The following CFAP54 variants were observed in gnomAD, a reference collection of about 807,000 sequenced individuals.
The protein encoded by CFAP54 is cilia- and flagella-associated protein 54.
Under a neutral mutation model 370.4 loss-of-function variants are expected in CFAP54, and 290 were observed. The observed-to-expected ratio is 0.78, with a 90% confidence interval of 0.71 to 0.86. The LOEUF (loss-of-function observed/expected upper bound fraction) is 0.86, where lower values mean the gene tolerates loss of function less well. CFAP54 is among the 40% of genes least tolerant of loss of function. CFAP54 has a pLI of 0.00. For synonymous variants in CFAP54, 1,206 were observed against 1,236.5 expected (o/e 0.98, Z 0.52); for missense variants, 3,399 against 3,528.7 (o/e 0.96, Z 0.93).
intron 49 of CFAP54, 140 bp from the exon 50 acceptor site, chr12:96,720,262 TCTC>T: frequency 1.5e-6 from 1 of 678,872 alleles, no homozygotes; most frequent in Non-Finnish European, 2.1e-6. Flanking sequence ...TGAACTCTCT[TCTC>T]TGGTAATTAG....
At chr12:96,737,955 G>T (rs1565959973) in intron 50 of CFAP54, among the ~76,000 whole-genome samples, 1 of 152,116 alleles carries the variant, frequency 6.6e-6, no homozygotes, top group Non-Finnish European at 1.5e-5. Context: ...GGCAGGCTGG[G>T]GATGGGGGAG....
At chr12:96,717,566 G>T (rs1388137330) in intron 48 of CFAP54, among the ~76,000 whole-genome samples, 1 of 152,230 alleles carries the variant, frequency 6.6e-6, no homozygotes, top group East Asian at 1.9e-4. Context: ...AAGCCCAGTT[G>T]AATGAAGCAG....
chr12:96,498,757 A>T (rs947070430), intron 1 of CFAP54, among the ~76,000 whole-genome samples: 1 of 152,248 alleles, frequency 6.6e-6, no homozygotes, highest in African/African-American at 2.4e-5. Context: ...GGCATGATCC[A>T]TGAAAGAAAG....
At chr12:96,689,091 A>T in intron 43 of CFAP54, 109 bp downstream of exon 43, 1 of 598,156 alleles carries the variant, frequency 1.7e-6, no homozygotes, top group Non-Finnish European at 2.9e-6. Flanking sequence ...AATAACATGA[A>T]TCTTGATTAA....
At chr12:96,578,677 A>G (rs1358729020) in intron 20 of CFAP54, among the ~76,000 whole-genome samples, 1 of 152,082 alleles carries the variant, frequency 6.6e-6, no homozygotes, top group Non-Finnish European at 1.5e-5. Context: ...GTTCATTTAG[A>G]GAGTTCCAGG....
chr12:96,706,434 G>A (rs1957548271), intron 47 of CFAP54, among the ~76,000 whole-genome samples: 1 of 152,152 alleles, frequency 6.6e-6, no homozygotes, highest in Non-Finnish European at 1.5e-5. Context: ...TAAAAAGAGG[G>A]AAAGGTAAGT....
At chr12:96,680,823 C>T (rs1354223410) in intron 40 of CFAP54, among the ~76,000 whole-genome samples, 1 of 152,120 alleles carries the variant, frequency 6.6e-6, no homozygotes, top group African/African-American at 2.4e-5. Flanking sequence ...GTGGCTCACG[C>T]CTGTAATCCC....
chr12:96,682,319 C>G, intron 40 of CFAP54: 13 of 985,548 alleles, frequency 1.3e-5, no homozygotes, highest in Non-Finnish European at 1.6e-5. Flanking sequence ...GTAATTTCTT[C>G]TTATCACCAA....
chr12:96,797,903 GT>G (rs1300211111), intron 63 of CFAP54, among the ~76,000 whole-genome samples: 1 of 151,542 alleles, frequency 6.6e-6, no homozygotes, highest in African/African-American at 2.4e-5. Context: ...GGATTTTGTT[GT>G]TTTTCCTCTC....
chr12:96,590,448 C>A (rs1479528616), intron 23 of CFAP54, among the ~76,000 whole-genome samples: 5 of 152,188 alleles, frequency 3.3e-5, no homozygotes, highest in Non-Finnish European at 5.9e-5. Flanking sequence ...ATCTCCCTCA[C>A]CTGGTTGTTA....
intron 32 of CFAP54, among the ~76,000 whole-genome samples, chr12:96,638,425 A>G (rs1313922475): frequency 6.6e-6 from 1 of 150,586 alleles, no homozygotes; most frequent in East Asian, 1.9e-4. Context: ...TTAATTGTAG[A>G]GATGGCCTCG....
At chr12:96,648,216 T>C (rs1273340060) in intron 34 of CFAP54, among the ~76,000 whole-genome samples, 199 bp downstream of exon 34, 2 of 152,224 alleles carry the variant, frequency 1.3e-5, no homozygotes, top group East Asian at 3.8e-4. Context: ...CTTATGATAT[T>C]ATTGCATATA....
At chr12:96,736,863 G>C (rs1044512105) in intron 50 of CFAP54, among the ~76,000 whole-genome samples, 2 of 152,126 alleles carry the variant, frequency 1.3e-5, no homozygotes, top group African/African-American at 4.8e-5. Context: ...ACCAAACTTG[G>C]TAGAAACTGT....
chr12:96,619,837 T>A (rs1437337907), intron 26 of CFAP54, among the ~76,000 whole-genome samples: 1 of 152,198 alleles, frequency 6.6e-6, no homozygotes, highest in African/African-American at 2.4e-5. Context: ...TCTGCTCATA[T>A]ACATTTCATA....
intron 48 of CFAP54, among the ~76,000 whole-genome samples, chr12:96,717,805 G>C (rs1256979302): frequency 6.6e-6 from 1 of 152,176 alleles, no homozygotes; most frequent in Non-Finnish European, 1.5e-5. Context: ...GGGCTTTCAG[G>C]AGTCCTGGGA....
At position 96,800,156 on chromosome 12, in the gene CFAP54, C is replaced by T. The variant is rs576684464; in HGVS notation, c.8850+7657C>T. ...AACACCATATCCATATCAGTTATTA[C>T]AAGGGCAGTTTGCGGCAGGATAATT... On this transcript the variant is annotated intron_variant, in intron 63 of 67. Coordinates refer to ENST00000524981, the MANE Select transcript of CFAP54 (RefSeq NM_001306084.2). 2.0e-5 allele frequency among the ~76,000 whole-genome samples: 3 copies of T among 152,270 alleles called. No individual in the cohort carries two copies. In the South Asian group the frequency reaches 6.2e-4, roughly 32 times the overall value.
At chr12:96,671,739 C>G (rs563614533) in intron 39 of CFAP54, among the ~76,000 whole-genome samples, 2 of 151,858 alleles carry the variant, frequency 1.3e-5, no homozygotes, top group African/African-American at 4.8e-5. Flanking sequence ...CTGGCCAACA[C>G]GGTGAAACCC....
At chr12:96,595,313 AC>A (rs1174643241) in intron 25 of CFAP54, among the ~76,000 whole-genome samples, 1 of 151,988 alleles carries the variant, frequency 6.6e-6, no homozygotes, top group Non-Finnish European at 1.5e-5. Context: ...CAGGAGCCCC[AC>A]CCACACTCAA....
chr12:96,858,283 G>A (rs1283603183), intron 66 of CFAP54, among the ~76,000 whole-genome samples: 1 of 152,102 alleles, frequency 6.6e-6, no homozygotes, highest in East Asian at 1.9e-4. Context: ...CTTCTTGGGT[G>A]CATGTATGTC....
Sources: allele counts gnomAD v4.1 joint callset (sites outside exome capture counted in the v4.1 genomes callset), GRCh38; gene constraint gnomAD v4.1.1; transcripts MANE v1.5; gene names NCBI Gene and HGNC (gene_info 2026-07-23, HGNC 2026-07-21).